The following TRPM3 variants were observed in gnomAD, a reference collection of about 807,000 sequenced individuals.
The protein encoded by TRPM3 is transient receptor potential cation channel subfamily M member 3.
Under a neutral mutation model 181.2 loss-of-function variants are expected in TRPM3, and 77 were observed. The ratio of observed to expected loss-of-function variants is 0.42; its 90% CI spans 0.35 to 0.51. TRPM3 has a LOEUF of 0.51. TRPM3 is among the 20% of genes least tolerant of loss of function. The probability of loss-of-function intolerance (pLI) is 0.01; values close to 1 mark genes in which losing one functional copy is unlikely to be tolerated. For synonymous variants in TRPM3, 745 were observed against 796.4 expected (o/e 0.94, Z 1.09); for missense variants, 1,759 against 2,196.7 (o/e 0.80, Z 3.98).
intron 9 of TRPM3, among the ~76,000 whole-genome samples, chr9:70,661,624 T>C (rs541877997): frequency 4.0e-5 from 6 of 151,776 alleles, no homozygotes; most frequent in Non-Finnish European, 8.8e-5. Flanking sequence ...CAAAAATCAG[T>C]AACACTGGAA....
chr9:71,181,157 C>T lies in TRPM3; in HGVS notation c.183+265496G>A, dbSNP rs571271818. 1.6e-4 allele frequency among the ~76,000 whole-genome samples: 24 copies of T among 152,110 alleles called. 1 individual carries two copies. In the South Asian group the frequency reaches 3.1e-3, roughly 20 times the overall value. On this transcript the variant is annotated intron_variant, in intron 1 of 24. Transcript: ENST00000357533. ...TAAAGCAAGGAAGATCTGTGCTCTTCCTGAGAACAAAGGGATTATCACACT... is the reference window on the plus strand; with the variant it reads ...TAAAGCAAGGAAGATCTGTGCTCTTTCTGAGAACAAAGGGATTATCACACT...
rs986435040 is a variant in TRPM3, at chr9:70,534,156, T to G, written c.*1797A>C. 1.3e-5 allele frequency: 2 copies of G among 152,206 alleles called. No homozygotes were observed. The highest frequency in any genetic ancestry group is 2.9e-5 in the Non-Finnish European group (2 of 68,036). 9.4% of individuals were successfully genotyped at this position (152,206 alleles called of 1,614,324 possible). ...GATCTAGAAGATTATGCCTCTACTT[T>G]AGAGTCTGTAACACTAGCTGGTTTA... On this transcript the variant is annotated 3_prime_UTR_variant, in exon 26 of 26. Coordinates refer to ENST00000677713, the MANE Select transcript of TRPM3 (RefSeq NM_001366145.2).
chr9:71,105,852 T>C (rs1309891536), intron 1 of TRPM3, among the ~76,000 whole-genome samples: 20 of 152,164 alleles, frequency 1.3e-4, no homozygotes, highest in Admixed American at 1.3e-3. Context: ...GTGGTTACCT[T>C]GGGTGGTAGT....
At chr9:71,168,510 C>CTT (rs386415035) in intron 1 of TRPM3, among the ~76,000 whole-genome samples, 33,807 of 89,632 alleles carry the variant, frequency 0.38, 6,623 homozygotes, top group East Asian at 0.53. Flanking sequence ...TGACATTTTT[C>CTT]TTTTTTTTTT....
chr9:70,626,323 T>G (rs184504753), intron 12 of TRPM3, among the ~76,000 whole-genome samples: 12 of 152,284 alleles, frequency 7.9e-5, no homozygotes, highest in African/African-American at 2.9e-4. Flanking sequence ...TGTAGCTCCT[T>G]CTTGCGGGAG....
At chr9:70,748,850 C>T (rs1417911571) in intron 8 of TRPM3, among the ~76,000 whole-genome samples, 1 of 152,086 alleles carries the variant, frequency 6.6e-6, no homozygotes, top group African/African-American at 2.4e-5. Flanking sequence ...CTGGAGACTT[C>T]TTGACTGACG....
chr9:70,818,801 T>G (rs2092916572), intron 6 of TRPM3, among the ~76,000 whole-genome samples: 1 of 152,232 alleles, frequency 6.6e-6, no homozygotes, highest in Non-Finnish European at 1.5e-5. Flanking sequence ...TGTCCTCATC[T>G]GGGAGAGAAC....
At chr9:71,429,583 G>A (rs1018461003) in intron 1 of TRPM3, among the ~76,000 whole-genome samples, 6 of 152,100 alleles carry the variant, frequency 3.9e-5, no homozygotes, top group African/African-American at 1.4e-4. Flanking sequence ...ACAGCTTCCA[G>A]TATCCTAAAG....
intron 1 of TRPM3, among the ~76,000 whole-genome samples, chr9:70,943,028 C>G (rs555793491): frequency 6.6e-6 from 1 of 151,964 alleles, no homozygotes; most frequent in African/African-American, 2.4e-5. Context: ...CTTTGGCATT[C>G]GAGATGTGAA....
chr9:70,750,384 GT>G (rs2075924378), intron 8 of TRPM3, among the ~76,000 whole-genome samples: 1 of 152,230 alleles, frequency 6.6e-6, no homozygotes, highest in East Asian at 1.9e-4. Flanking sequence ...ACATTAAATA[GT>G]TTGGACACTT....
At chr9:71,158,388 ATTTACTGTCATATCCAG>A (rs2134681587) in intron 1 of TRPM3, among the ~76,000 whole-genome samples, 1 of 152,256 alleles carries the variant, frequency 6.6e-6, no homozygotes, top group Admixed American at 6.5e-5. Flanking sequence ...GTCATATCTA[ATTTACTGTCATATCCAG>A]TAAGGATGAA....
At chr9:71,181,537 C>T (rs1198506806) in intron 1 of TRPM3, among the ~76,000 whole-genome samples, 1 of 151,916 alleles carries the variant, frequency 6.6e-6, no homozygotes, top group African/African-American at 2.4e-5. Context: ...TGCATGACGC[C>T]TACTAAACAT....
At chr9:70,561,896 C>A (rs550622498) in intron 22 of TRPM3, among the ~76,000 whole-genome samples, 1 of 152,154 alleles carries the variant, frequency 6.6e-6, no homozygotes, top group Non-Finnish European at 1.5e-5. Flanking sequence ...ATCTTCCTGA[C>A]GCCATCAGAG....
At chr9:71,068,915 A>G (rs10123815) in intron 1 of TRPM3, among the ~76,000 whole-genome samples, 18,147 of 152,180 alleles carry the variant, frequency 0.12, 2,782 homozygotes, top group African/African-American at 0.36. Flanking sequence ...ATATGATCCA[A>G]TCTATCAGAT....
chr9:70,984,144 A>G (rs556507792), intron 1 of TRPM3, among the ~76,000 whole-genome samples: 1 of 152,316 alleles, frequency 6.6e-6, no homozygotes, highest in Non-Finnish European at 1.5e-5. Flanking sequence ...GCTTTCAACA[A>G]GCTACATAAA....
At chr9:71,276,058 G>T (rs2084186826) in intron 1 of TRPM3, among the ~76,000 whole-genome samples, 2 of 152,076 alleles carry the variant, frequency 1.3e-5, no homozygotes, top group African/African-American at 4.8e-5. Context: ...AGCCAGGATG[G>T]TCTTGATCTC....
At chr9:71,436,964 A>C (rs191727512) in intron 1 of TRPM3, among the ~76,000 whole-genome samples, 3 of 152,246 alleles carry the variant, frequency 2.0e-5, no homozygotes, top group Non-Finnish European at 4.4e-5. Flanking sequence ...ATATATTTTT[A>C]CAAGTTATAT....
At chr9:70,822,504 A>C (rs2093257887) in intron 6 of TRPM3, among the ~76,000 whole-genome samples, 1 of 152,106 alleles carries the variant, frequency 6.6e-6, no homozygotes. Flanking sequence ...CAAATGCATA[A>C]AGATAGAAAG....
chr9:71,090,332 T>G (rs933374476), intron 1 of TRPM3, among the ~76,000 whole-genome samples: 3 of 152,210 alleles, frequency 2.0e-5, no homozygotes, highest in Admixed American at 6.6e-5. Flanking sequence ...TTTCCTTAGC[T>G]GCAAACTGTC....
Sources: allele counts gnomAD v4.1 joint callset (sites outside exome capture counted in the v4.1 genomes callset), GRCh38; gene constraint gnomAD v4.1.1; transcripts MANE v1.5; gene names NCBI Gene and HGNC (gene_info 2026-07-23, HGNC 2026-07-21).